Variants in SULF1 observed in about 807,000 individuals in gnomAD.
SULF1 encodes the protein sulfatase 1.
A neutral mutation model predicts 110.5 loss-of-function variants in SULF1; 46 were observed. The ratio of observed to expected loss-of-function variants is 0.42; its 90% confidence interval spans 0.33 to 0.53. The LOEUF (loss-of-function observed/expected upper bound fraction) is 0.53. Among genes scored for constraint, SULF1 ranks in the 20% least tolerant of loss-of-function variants. The pLI is 0.12. For missense variants in SULF1, 941 were observed against 1,094.2 expected (o/e 0.86, Z 1.98); for synonymous variants, 371 against 387.1 (o/e 0.96, Z 0.49).
chr8:69,469,455 A>G (rs1008687458), intron 1 of SULF1: 4 of 152,238 alleles, frequency 2.6e-5, no homozygotes, highest in African/African-American at 4.8e-5. Context: ...AAGTGACAAA[A>G]TTCATTTTTA....
chr8:69,546,444 G>A (rs57237596), intron 3 of SULF1, among the ~76,000 whole-genome samples: 2,179 of 152,226 alleles, frequency 0.014, 57 homozygotes, highest in African/African-American at 0.05. Context: ...CCCTCTCCCC[G>A]TGAGTCCTAC....
At chr8:69,512,807 C>T (rs1386918443) in intron 3 of SULF1, among the ~76,000 whole-genome samples, 1 of 152,186 alleles carries the variant, frequency 6.6e-6, no homozygotes, top group Non-Finnish European at 1.5e-5. Flanking sequence ...CTTGCTTCCT[C>T]AGACATACCC....
At chr8:69,556,999 C>T (rs1815160733) in intron 3 of SULF1, among the ~76,000 whole-genome samples, 1 of 152,168 alleles carries the variant, frequency 6.6e-6, no homozygotes, top group African/African-American at 2.4e-5. Context: ...TCACCTCCCA[C>T]TTATAAGTGA....
chr8:69,479,862 G>A (rs1391066212), intron 1 of SULF1, among the ~76,000 whole-genome samples: 1 of 152,182 alleles, frequency 6.6e-6, no homozygotes, highest in Non-Finnish European at 1.5e-5. Context: ...ATGAAAATGA[G>A]TTCATGTGTC....
intron 3 of SULF1, among the ~76,000 whole-genome samples, chr8:69,526,440 T>C (rs1355886016): frequency 6.6e-6 from 1 of 152,012 alleles, no homozygotes; most frequent in Non-Finnish European, 1.5e-5. Context: ...AAATCTTCCA[T>C]TTCAAAATAT....
At chr8:69,492,359 A>T (rs1045273367), upstream of SULF1, among the ~76,000 whole-genome samples, 1 of 152,084 alleles carries the variant, frequency 6.6e-6, no homozygotes, top group Admixed American at 6.5e-5. Flanking sequence ...TCGACAGGGC[A>T]CAGGGAACTC....
chr8:69,588,109 G>A (rs543303563), intron 7 of SULF1, among the ~76,000 whole-genome samples: 1 of 152,264 alleles, frequency 6.6e-6, no homozygotes, highest in African/African-American at 2.4e-5. Context: ...AGTTTATACT[G>A]GAGCTCCAAG....
chr8:69,511,705 C>A (rs1241473652), intron 3 of SULF1, among the ~76,000 whole-genome samples: 1 of 152,240 alleles, frequency 6.6e-6, no homozygotes, highest in African/African-American at 2.4e-5. Flanking sequence ...GGAACCTACA[C>A]TGACACATCA....
At chr8:69,468,761 A>AT (rs1301673450) in intron 1 of SULF1, among the ~76,000 whole-genome samples, 28 of 152,206 alleles carry the variant, frequency 1.8e-4, no homozygotes, top group African/African-American at 6.8e-4. Context: ...TACCAATACC[A>AT]TTTTTCACTA....
rs144606225 is a variant in SULF1 at position 69,479,519 on chromosome 8, C to T, written c.-391+12569C>T. On this transcript the variant is annotated intron_variant, in intron 1 of 22. Coordinates refer to the SULF1 transcript ENST00000260128. The stretch of plus-strand genomic sequence containing the variant: ...AGGTTTATATTACTTAGAAGAAAGA[C>T]GAACTTATTGCACACTGTCAAAACT... 5.1e-4 allele frequency among the ~76,000 whole-genome samples: 77 copies of T among 152,194 alleles called. 1 individual carries two copies. The East Asian group carries it at 0.013, about 25-fold the overall frequency.
intron 5 of SULF1, among the ~76,000 whole-genome samples, chr8:69,572,531 C>T (rs910400768): frequency 6.6e-6 from 1 of 152,160 alleles, no homozygotes; most frequent in African/African-American, 2.4e-5. Context: ...TGATCTAAGC[C>T]ACCTAGATCA....
intron 4 of SULF1, 120 bp downstream of exon 4, chr8:69,563,731 A>C: frequency 2.4e-6 from 1 of 425,188 alleles, no homozygotes; most frequent in Non-Finnish European, 4.2e-6. Context: ...AATTTGCAAA[A>C]TAATCAAGTG....
intron 1 of SULF1, among the ~76,000 whole-genome samples, 154 bp from the exon 2 acceptor site, chr8:69,495,611 A>G (rs951200783): frequency 2.0e-5 from 3 of 152,238 alleles, no homozygotes; most frequent in Non-Finnish European, 2.9e-5. Flanking sequence ...GCCTGTAGCT[A>G]TGTGTATCCT....
intron 19 of SULF1, among the ~76,000 whole-genome samples, chr8:69,636,458 AC>A (rs1811022549): frequency 6.6e-6 from 1 of 151,774 alleles, no homozygotes; most frequent in South Asian, 2.1e-4. Flanking sequence ...AACGGTGTGA[AC>A]CCAGGAGGCG....
chr8:69,582,486 T>C (rs965104483), intron 6 of SULF1, among the ~76,000 whole-genome samples: 2 of 152,190 alleles, frequency 1.3e-5, no homozygotes, highest in Non-Finnish European at 2.9e-5. Flanking sequence ...ACATATGTGT[T>C]GATGCATTTA....
At chr8:69,651,252 C>A (rs1036586872) in intron 22 of SULF1, among the ~76,000 whole-genome samples, 1 of 152,004 alleles carries the variant, frequency 6.6e-6, no homozygotes, top group Non-Finnish European at 1.5e-5. Flanking sequence ...AGGGTTTCAC[C>A]ATGTTGGCCA....
Position 69,576,127 on chromosome 8 carries a change from G to T in SULF1, c.330G>T (p.Glu110Asp). The change falls in exon 6 of 23, where the codon GAG becomes GAT. Residue 110 changes from glutamate (E) to aspartate (D), a missense_variant. Physicochemically the swap from Glu to Asp is conservative, Grantham distance 45. Coordinates refer to ENST00000402687, the MANE Select transcript of SULF1 (RefSeq NM_001128205.2). The stretch of plus-strand genomic sequence containing the variant: ...ATCACAATGTCTACACCAACAACGA[G>T]AACTGCTCTTCCCCCTCGTGGCAGG... ...VHNHNVYTNN[E>D]NCSSPSWQAM... 6.2e-7 allele frequency: 1 copy of T among 1,614,198 alleles called. No individual in the cohort carries two copies. Among genetic ancestry groups the T allele is most frequent in the Non-Finnish European group, 8.5e-7 (1 of 1,180,040 alleles).
intron 14 of SULF1, among the ~76,000 whole-genome samples, chr8:69,622,552 T>C (rs1307978738): frequency 1.3e-5 from 2 of 150,894 alleles, no homozygotes; most frequent in Non-Finnish European, 2.9e-5. Flanking sequence ...ACCACTGCAC[T>C]CCAGCCTGGA....
At chr8:69,526,843 G>GGAAGGAAGGAAGGA (rs1563498501) in intron 3 of SULF1, among the ~76,000 whole-genome samples, 2 of 71,320 alleles carry the variant, frequency 2.8e-5, no homozygotes, top group Non-Finnish European at 5.9e-5. Context: ...GGAAGGAAGG[G>GGAAGGAAGGAAGGA]AGGAAGGAAG....
Sources: allele counts gnomAD v4.1 joint callset (sites outside exome capture counted in the v4.1 genomes callset), GRCh38; gene constraint gnomAD v4.1.1; transcripts MANE v1.5; gene names NCBI Gene and HGNC (gene_info 2026-07-23, HGNC 2026-07-21).